Variants in BTBD18 observed in about 807,000 individuals in gnomAD.
BTBD18 encodes BTB domain containing 18.
For synonymous variants in BTBD18, 311 were observed against 324.4 expected (o/e 0.96, Z 0.44); for missense variants, 787 against 846.3 (o/e 0.93, Z 0.87).
At chr11:57,749,058 A>G (rs2135699447) in intron 2 of BTBD18, among the ~76,000 whole-genome samples, 1 of 152,184 alleles carries the variant, frequency 6.6e-6, no homozygotes, top group Non-Finnish European at 1.5e-5. Context: ...TTCAGATCTC[A>G]CCTAAGGGGT....
intron 2 of BTBD18, among the ~76,000 whole-genome samples, chr11:57,747,152 G>C (rs2135694928): frequency 6.6e-6 from 1 of 152,334 alleles, no homozygotes; most frequent in East Asian, 1.9e-4. Flanking sequence ...CCAGGCAGTG[G>C]TCTGTTCTGA....
chr11:57,751,398 A>T, intron 1 of BTBD18, 143 bp downstream of exon 1: 1 of 434,148 alleles, frequency 2.3e-6, no homozygotes, highest in Non-Finnish European at 4.1e-6. Flanking sequence ...AAATTATCAT[A>T]GTGGTTACAT....
chr11:57,745,724 G>A lies in BTBD18; in HGVS notation c.549C>T (p.Ser183=), dbSNP rs78352335. The change falls in exon 3 of 3, where the codon TCC becomes TCT. Residue 183 remains serine, a synonymous_variant. Coordinates refer to ENST00000422652, the MANE Select transcript of BTBD18 (RefSeq NM_001145101.3). The part of the protein sequence containing the change: ...PCPLGAIRLK[S]LGKEEGPQEN... ...CCTGGGGCCCCTCTTCCTTCCCCAA[G>A]GACTTCAATCTTATTGCCCCAAGAG... 1,367 of 1,551,660 alleles carry A rather than the reference G, an allele frequency of 8.8e-4. 22 individuals carry two copies. The East Asian group carries it at 0.025, about 28-fold the overall frequency.
chr11:57,744,694 A>G lies in BTBD18; in HGVS notation c.1579T>C (p.Tyr527His), dbSNP rs1949155136. The G allele has an allele frequency of 6.4e-7, 1 of 1,551,698 alleles. No homozygotes were observed. The highest frequency in any genetic ancestry group is 2.4e-5 in the East Asian group (1 of 40,928). The part of the protein sequence containing the change: ...PGAEGCRTPT[Y>H]HLTETGKNWI... Reference sequence around the variant, plus strand: ...TTCTTTCCTGTTTCTGTCAGATGGTAGGTAGGCGTTCTGCAGCCCTCAGCC... The same window carrying G: ...TTCTTTCCTGTTTCTGTCAGATGGTGGGTAGGCGTTCTGCAGCCCTCAGCC... Residue 527 changes from tyrosine (Y) to histidine (H), a missense_variant, in exon 3 of 3, where the codon TAC (tyrosine) becomes CAC (histidine). Tyr to His is a moderately conservative substitution (Grantham distance 83). Transcript: ENST00000422652.
rs1949158903 is a variant in BTBD18, at chr11:57,744,890, A to G, written c.1383T>C (p.Ile461=). 6.4e-7 allele frequency: 1 copy of G among 1,551,514 alleles called. No homozygotes were observed. Among genetic ancestry groups the G allele is most frequent in the African/African-American group, 1.4e-5 (1 of 73,052 alleles). Residue 461 remains isoleucine, a synonymous_variant, in exon 3 of 3, where the codon ATT becomes ATC. Transcript: ENST00000422652. ...ELVEKEPMLA[I]DCREPYAFDT... ...CAAATGCATAGGGTTCTCTGCAGTC[A>G]ATAGCCAACATAGGTTCCTTCTCTA...
At position 57,746,906 on chromosome 11, in the gene BTBD18, T is replaced by C. The variant is rs149206704; in HGVS notation, c.125-758A>G. On this transcript the variant is annotated intron_variant, in intron 2 of 2. Transcript: ENST00000422652. Reference sequence around the variant, plus strand: ...GTAGCTATCATGGCACTTAGCTATCTGTATTGTAATTATCCATCTCCTTCA... The same window carrying C: ...GTAGCTATCATGGCACTTAGCTATCCGTATTGTAATTATCCATCTCCTTCA... Among the ~76,000 whole-genome samples, 665 of 152,180 alleles carry C rather than the reference T, an allele frequency of 4.4e-3. 6 individuals are homozygous for C. The highest frequency in any genetic ancestry group is 0.014 in the African/African-American group (581 of 41,526).
intron 2 of BTBD18, among the ~76,000 whole-genome samples, chr11:57,749,294 G>A (rs1269716055): frequency 6.6e-6 from 1 of 152,148 alleles, no homozygotes; most frequent in Non-Finnish European, 1.5e-5. Context: ...GCATACAACA[G>A]GCAACTGATA....
At chr11:57,747,549 C>T (rs977125017) in intron 2 of BTBD18, among the ~76,000 whole-genome samples, 4 of 152,164 alleles carry the variant, frequency 2.6e-5, no homozygotes, top group South Asian at 2.1e-4. Context: ...GAGTCTCACT[C>T]TGTGGCCCAG....
At position 57,744,808 on chromosome 11, in the gene BTBD18, C is replaced by T. The variant is rs1278588982; in HGVS notation, c.1465G>A (p.Ala489Thr). The T allele has an allele frequency of 1.3e-6, 2 of 1,551,738 alleles. No individual in the cohort carries two copies. Among genetic ancestry groups the T allele is most frequent in the Non-Finnish European group, 1.7e-6 (2 of 1,146,992 alleles). Residue 489 changes from alanine to threonine, a missense_variant, in exon 3 of 3, where the codon GCT (alanine) becomes ACT (threonine). Transcript: ENST00000422652. ...EAEEYRITSA[A>T]ATSELEEILD... ...ATCTCCTCCAGCTCACTGGTGGCAG[C>T]AGCACTTGTGATTCGGTACTCCTCA...
rs1376825578 is a variant in BTBD18, at chr11:57,743,574, CTT to C, written c.*558_*559del. 6.6e-6 allele frequency: 1 copy of C among 152,208 alleles called. No individual in the cohort carries two copies. The highest frequency in any genetic ancestry group is 2.4e-5 in the African/African-American group (1 of 41,434). The allele number at this position is 152,208 out of a possible 1,614,324, so 9.4% of individuals were successfully genotyped here. ...AAGCAACTGTATCTTTTTCAACTTA[CTT>C]TTTGGAAGTAATGATGGAAGTACAT... On this transcript the variant is annotated 3_prime_UTR_variant, in exon 3 of 3. Coordinates refer to ENST00000422652, the MANE Select transcript of BTBD18 (RefSeq NM_001145101.3).
Position 57,744,302 on chromosome 11 carries a change from C to T in BTBD18, c.1971G>A (p.Glu657=). The T allele has an allele frequency of 1.3e-6, 2 of 1,551,666 alleles. No homozygotes were observed. The highest frequency in any genetic ancestry group is 2.4e-5 in the East Asian group (1 of 40,918). ...CTAGTAGTTCAGAGTGACCAGATAC[C>T]TCCTTGCCTGCCTTGGGAGAAGGGT... ...LLYPSPKAGK[E]VSGHSELLGS... The change falls in exon 3 of 3, where the codon GAG becomes GAA. Residue 657 remains glutamate, a synonymous_variant. Coordinates refer to ENST00000422652, the MANE Select transcript of BTBD18 (RefSeq NM_001145101.3).
rs1242943571 is a variant in BTBD18, at chr11:57,744,742, T to C, written c.1531A>G (p.Ile511Val). The C allele has an allele frequency of 7.1e-6, 11 of 1,551,222 alleles. No individual in the cohort carries two copies. Among genetic ancestry groups the C allele is most frequent in the East Asian group, 2.4e-5 (1 of 40,942 alleles). ...MLCGSDIEPP[I>V]GSLESPGAEG... ...GCCCCTGGACTCTCCAGAGACCCTA[T>C]AGGTGGTTCAATGTCTGAGCCACAG... The change falls in exon 3 of 3, where the codon ATA becomes GTA. Residue 511 changes from isoleucine (I) to valine (V), a missense_variant. By Grantham distance (29) the Ile-to-Val change is conservative. Coordinates refer to ENST00000422652, the MANE Select transcript of BTBD18 (RefSeq NM_001145101.3).
At chr11:57,750,301 C>T (rs757850608) in intron 2 of BTBD18, among the ~76,000 whole-genome samples, 4 of 152,136 alleles carry the variant, frequency 2.6e-5, no homozygotes, top group South Asian at 2.1e-4. Flanking sequence ...CGCTTGAACG[C>T]GGGAGGTGGA....
upstream of BTBD18, among the ~76,000 whole-genome samples, chr11:57,752,545 C>T (rs1949334826): frequency 6.6e-6 from 1 of 152,078 alleles, no homozygotes; most frequent in Admixed American, 6.5e-5. Context: ...AAAAAATTCC[C>T]ATCCCAGTGA....
chr11:57,746,123 G>A lies in BTBD18; in HGVS notation c.150C>T (p.Cys50=), dbSNP rs1281946016. The change falls in exon 3 of 3, where the codon TGC becomes TGT. Residue 50 remains cysteine (C), a synonymous_variant. Transcript: ENST00000422652. ...AEGEAVPAHC[C]ILSACSPFFT... ...AGAAGGGGCTACAAGCTGACAGGAT[G>A]CAGCAGTGAGCTGGAACTGCCTCAC... 5 of 1,548,384 alleles carry A rather than the reference G, an allele frequency of 3.2e-6. No homozygotes were observed. In the South Asian group the frequency reaches 4.8e-5, roughly 15 times the overall value.
At position 57,745,292 on chromosome 11, in the gene BTBD18, AGAT is replaced by A. The variant is rs1198573171; in HGVS notation, c.978_980del (p.Ser327del). The A allele has an allele frequency of 6.4e-7, 1 of 1,551,726 alleles. No individual in the cohort carries two copies. Among genetic ancestry groups the A allele is most frequent in the Non-Finnish European group, 8.7e-7 (1 of 1,146,992 alleles). ...TGCTCCCACCTGTCTTTCCCAGACCAGATGGGTTTGGGGTGCTCTGCAGAGGAC... is the reference window on the plus strand; with the variant it reads ...TGCTCCCACCTGTCTTTCCCAGACCAGGGTTTGGGGTGCTCTGCAGAGGAC... On this transcript the variant is annotated inframe_deletion, in exon 3 of 3. Transcript: ENST00000422652.
intron 2 of BTBD18, among the ~76,000 whole-genome samples, chr11:57,746,741 CAGG>C (rs1020708759): frequency 2.8e-5 from 4 of 142,370 alleles, no homozygotes; most frequent in African/African-American, 7.8e-5. Context: ...TAGGCTGAAG[CAGG>C]AGAATTGCTT....
At chr11:57,750,003 G>T (rs1394070684) in intron 2 of BTBD18, among the ~76,000 whole-genome samples, 1 of 152,224 alleles carries the variant, frequency 6.6e-6, no homozygotes, top group Non-Finnish European at 1.5e-5. Flanking sequence ...AACATTTCCA[G>T]TGTGAAGTGA....
Position 57,744,099 on chromosome 11 carries a change from C to T in BTBD18, c.*35G>A. On this transcript the variant is annotated 3_prime_UTR_variant, in exon 3 of 3. Transcript: ENST00000422652. ...CCTTTTGCTAGCTAACATTTCCCAC[C>T]CTCCCAAGGCCCCTAACCTGCCCTC... The T allele has an allele frequency of 7.2e-7, 1 of 1,384,346 alleles. No individual in the cohort carries two copies. Among genetic ancestry groups the T allele is most frequent in the Non-Finnish European group, 9.8e-7 (1 of 1,019,264 alleles). The allele number at this position is 1,384,346 out of a possible 1,614,324, so 85.8% of individuals were successfully genotyped here.
Sources: gnomAD v4.1 joint callset for allele counts (sites outside exome capture counted in the v4.1 genomes callset) on GRCh38, gnomAD v4.1.1 for gene constraint, MANE v1.5 for transcripts, NCBI Gene and HGNC (gene_info 2026-07-23, HGNC 2026-07-21) for gene names.